Variants in CADPS2 observed in about 807,000 individuals in gnomAD.
CADPS2 encodes calcium dependent secretion activator 2, also known as calcium-dependent secretion activator 2.
CADPS2 carries 93 observed loss-of-function variants against 172.5 expected under a neutral mutation model. The observed-to-expected ratio is 0.54, with a 90% confidence interval of 0.46 to 0.64. The LOEUF (loss-of-function observed/expected upper bound fraction) is 0.64. Ranked by LOEUF, CADPS2 falls within the 30% of genes least tolerant of loss-of-function variation. CADPS2 has a pLI of 0.00. For synonymous variants in CADPS2, 546 were observed against 555.2 expected (o/e 0.98, Z 0.23); for missense variants, 1,420 against 1,565.9 (o/e 0.91, Z 1.57).
intron 18 of CADPS2, among the ~76,000 whole-genome samples, chr7:122,415,736 C>G (rs1472801655): frequency 6.6e-6 from 1 of 152,132 alleles, no homozygotes; most frequent in Non-Finnish European, 1.5e-5. Flanking sequence ...TTAACTTTCC[C>G]CCTTCTTCAA....
At chr7:122,832,473 C>T (rs1397505464) in intron 1 of CADPS2, among the ~76,000 whole-genome samples, 2 of 152,198 alleles carry the variant, frequency 1.3e-5, no homozygotes, top group Non-Finnish European at 2.9e-5. Context: ...GCAGCCATCT[C>T]TGTCCAGCGG....
chr7:122,377,529 G>A (rs929938859), intron 25 of CADPS2, among the ~76,000 whole-genome samples: 7 of 152,126 alleles, frequency 4.6e-5, no homozygotes, highest in African/African-American at 1.7e-4. Flanking sequence ...ACTTCCGCAT[G>A]AGGACTATGT....
At chr7:122,699,356 G>A (rs1346592719) in intron 2 of CADPS2, among the ~76,000 whole-genome samples, 2 of 152,086 alleles carry the variant, frequency 1.3e-5, no homozygotes, top group Non-Finnish European at 2.9e-5. Context: ...TTCATACAAT[G>A]TGTGCTCTTT....
At chr7:122,822,245 G>A (rs1353926828) in intron 1 of CADPS2, among the ~76,000 whole-genome samples, 1 of 151,786 alleles carries the variant, frequency 6.6e-6, no homozygotes, top group African/African-American at 2.4e-5. Flanking sequence ...TTTTATACCT[G>A]TTTTTCTCCT....
At chr7:122,690,510 T>A (rs1220118834) in intron 2 of CADPS2, among the ~76,000 whole-genome samples, 1 of 152,150 alleles carries the variant, frequency 6.6e-6, no homozygotes, top group Non-Finnish European at 1.5e-5. Flanking sequence ...TCGCCAACCA[T>A]CTGCAATGAG....
intron 2 of CADPS2, among the ~76,000 whole-genome samples, chr7:122,672,873 T>TA (rs765099868): frequency 7.9e-5 from 12 of 152,214 alleles, no homozygotes; most frequent in Non-Finnish European, 1.3e-4. Context: ...CTGACTTCAA[T>TA]AATGAAGCCA....
chr7:122,747,646 G>A (rs948807098), intron 1 of CADPS2, among the ~76,000 whole-genome samples: 7 of 152,084 alleles, frequency 4.6e-5, no homozygotes, highest in African/African-American at 1.7e-4. Flanking sequence ...AAAGCCCAGA[G>A]AATTTAAGAA....
At chr7:122,566,354 G>A (rs2132366816) in intron 7 of CADPS2, among the ~76,000 whole-genome samples, 2 of 152,188 alleles carry the variant, frequency 1.3e-5, no homozygotes, top group Middle Eastern at 6.8e-3. Flanking sequence ...AAAACAGTAT[G>A]CAGGTTCCTC....
intron 6 of CADPS2, among the ~76,000 whole-genome samples, chr7:122,584,015 T>TA (rs760379983): frequency 8.3e-4 from 125 of 151,476 alleles, no homozygotes; most frequent in Non-Finnish European, 1.2e-3. Flanking sequence ...AGATAAACTT[T>TA]AAAAAAAATA....
chr7:122,610,169 C>G (rs2074113953), intron 6 of CADPS2, among the ~76,000 whole-genome samples: 1 of 151,076 alleles, frequency 6.6e-6, no homozygotes, highest in African/African-American at 2.4e-5. Context: ...AAAAAGAGCA[C>G]TGGGGGCTTA....
chr7:122,345,117 T>C (rs2037372684), intron 28 of CADPS2, among the ~76,000 whole-genome samples: 1 of 151,846 alleles, frequency 6.6e-6, no homozygotes, highest in Non-Finnish European at 1.5e-5. Flanking sequence ...GCTTCAACTT[T>C]TTATTTTTTT....
chr7:122,766,217 T>TC (rs2093548222), intron 1 of CADPS2, among the ~76,000 whole-genome samples: 1 of 151,996 alleles, frequency 6.6e-6, no homozygotes, highest in Non-Finnish European at 1.5e-5. Flanking sequence ...TCATGAGGAA[T>TC]CCACCCCCAT....
chr7:122,477,059 AG>A (rs1356519145), intron 12 of CADPS2, among the ~76,000 whole-genome samples: 3 of 127,080 alleles, frequency 2.4e-5, no homozygotes, highest in East Asian at 2.2e-4. Flanking sequence ...GAGAAGAGAG[AG>A]AGAGAGAGAG....
chr7:122,382,701 C>T (rs995355882), intron 24 of CADPS2, among the ~76,000 whole-genome samples: 3 of 151,870 alleles, frequency 2.0e-5, no homozygotes, highest in African/African-American at 7.3e-5. Flanking sequence ...TGTCTGTAAT[C>T]CCAGCACTTT....
At chr7:122,681,486 G>A (rs912483336) in intron 2 of CADPS2, 33 of 1,496,408 alleles carry the variant, frequency 2.2e-5, no homozygotes, top group Middle Eastern at 1.9e-4. Context: ...TGAAGCAAGC[G>A]TCTTCGATGC....
At chr7:122,676,926 C>A in intron 2 of CADPS2, 1 of 425,218 alleles carries the variant, frequency 2.4e-6, no homozygotes, top group Admixed American at 4.0e-5. Context: ...TTTATCCATC[C>A]AAGTCTCCCT....
Position 122,681,487 on chromosome 7 carries a change from TCTTCGATGC to T in CADPS2, c.454-17927_454-17919del, listed in dbSNP as rs1364326955. On this transcript the variant is annotated intron_variant, in intron 2 of 29. Coordinates refer to ENST00000449022, the MANE Select transcript of CADPS2 (RefSeq NM_017954.11). ...GTCAGGGACATTTCTGAAGCAAGCG[TCTTCGATGC>T]CTATGTGCTTCCCAAGCTGTATGTG... The T allele has an allele frequency of 2.0e-6, 3 of 1,495,382 alleles. No homozygotes were observed. In the East Asian group the frequency reaches 6.8e-5, roughly 34 times the overall value. 92.6% of individuals were successfully genotyped at this position (1,495,382 alleles called of 1,614,324 possible).
chr7:122,800,991 C>CAAAAAAAAAAAAAAAAAAAAA (rs34506571), intron 1 of CADPS2, among the ~76,000 whole-genome samples: 1 of 63,044 alleles, frequency 1.6e-5, no homozygotes, highest in Non-Finnish European at 2.9e-5. Context: ...GACTCTGCCT[C>CAAAAAAAAAAAAAAAAAAAAA]AAAAAAAAAA....
At chr7:122,534,488 C>T (rs2062052941) in intron 8 of CADPS2, among the ~76,000 whole-genome samples, 1 of 152,014 alleles carries the variant, frequency 6.6e-6, no homozygotes, top group Admixed American at 6.6e-5. Context: ...AGGCTTAAGG[C>T]ATAGTTATAA....
Sources: allele counts gnomAD v4.1 joint callset (sites outside exome capture counted in the v4.1 genomes callset), GRCh38; gene constraint gnomAD v4.1.1; transcripts MANE v1.5; gene names NCBI Gene and HGNC (gene_info 2026-07-23, HGNC 2026-07-21).